Variants in RABGAP1L observed in about 807,000 individuals in gnomAD.
The protein encoded by RABGAP1L is RAB GTPase activating protein 1 like, also known as rab GTPase-activating protein 1-like.
Under a neutral mutation model 137.7 loss-of-function variants are expected in RABGAP1L, and 63 were observed. That is an observed-to-expected ratio of 0.46 (90% CI 0.37 to 0.56). The LOEUF is 0.56. Among genes scored for constraint, RABGAP1L ranks in the 20% least tolerant of loss-of-function variants. The pLI, the probability that RABGAP1L is intolerant of heterozygous loss-of-function variation, is 0.00. For synonymous variants in RABGAP1L, 431 were observed against 433.7 expected, an observed-to-expected ratio of 0.99 and a Z score of 0.08; for missense variants, 1,095 against 1,244.0, an observed-to-expected ratio of 0.88 and a Z score of 1.80.
chr1:174,286,368 A>T lies in RABGAP1L; in HGVS notation c.1323+7589A>T, dbSNP rs539331253. Among the ~76,000 whole-genome samples, 8 of 152,258 alleles carry T rather than the reference A, an allele frequency of 5.3e-5. No homozygotes were observed. The East Asian group carries it at 1.5e-3, about 29-fold the overall frequency. ...TTGTTGCCATATAGTTGTTCATAAT[A>T]GTCTCTTATGATCTGTTGTATTTCT... On this transcript the variant is annotated intron_variant, in intron 10 of 25. Transcript: ENST00000681986.
intron 14 of RABGAP1L, among the ~76,000 whole-genome samples, chr1:174,644,288 A>G (rs542958430): frequency 1.4e-3 from 217 of 152,176 alleles, no homozygotes; most frequent in Middle Eastern, 3.4e-3. Context: ...CTTAGTCCCT[A>G]AGAGCTTTCC....
intron 13 of RABGAP1L, among the ~76,000 whole-genome samples, chr1:174,599,527 C>T (rs1670258819): frequency 6.6e-6 from 1 of 152,122 alleles, no homozygotes; most frequent in African/African-American, 2.4e-5. Context: ...GATAGGTCAG[C>T]AATTAATGAA....
intron 19 of RABGAP1L, chr1:174,875,385 A>G (rs1413175108): frequency 4.4e-6 from 1 of 225,016 alleles, no homozygotes; most frequent in Non-Finnish European, 7.4e-6. Flanking sequence ...GTTACGCTGA[A>G]TGCACTCTCC....
rs1324705110 is a variant in RABGAP1L at position 174,448,554 on chromosome 1, C to T, written c.1710+54409C>T. On this transcript the variant is annotated intron_variant, in intron 13 of 25. Transcript: ENST00000681986. The surrounding 1 kb of genome is among the most constrained non-coding windows in gnomAD (Gnocchi z 4.2). ...TATCTTGCAATAACCAAGCCTCTTT[C>T]CTACAATCAACTGGTCACCCCTTGT... The T allele has an allele frequency of 6.2e-7, 1 of 1,613,360 alleles. No homozygotes were observed.
intron 19 of RABGAP1L, among the ~76,000 whole-genome samples, chr1:174,953,367 G>A (rs1668026124): frequency 6.6e-6 from 1 of 152,194 alleles, no homozygotes; most frequent in African/African-American, 2.4e-5. Flanking sequence ...CTAATATTGA[G>A]AAAGAGTAAG....
chr1:174,609,340 TC>T (rs1392524159), intron 13 of RABGAP1L, among the ~76,000 whole-genome samples: 1 of 152,194 alleles, frequency 6.6e-6, no homozygotes, highest in Non-Finnish European at 1.5e-5. Flanking sequence ...AGTTGCATTT[TC>T]TTTCTTTTTA....
chr1:174,422,180 A>G (rs546399619), intron 13 of RABGAP1L, among the ~76,000 whole-genome samples: 2 of 152,216 alleles, frequency 1.3e-5, no homozygotes, highest in South Asian at 2.1e-4. Flanking sequence ...ATGTTCTACT[A>G]TTGCTATCTT....
rs988774864 is a variant in RABGAP1L at position 174,830,292 on chromosome 1, C to G, written c.2340+18332C>G. On this transcript the variant is annotated intron_variant, in intron 19 of 25. Transcript: ENST00000681986. ...TTGTGTTTCAGTACAAAAAAAAAAA[C>G]TAGCTTAGTTTCTGAGGAGAGAGCT... is the stretch of plus-strand genomic sequence containing the variant. Among the ~76,000 whole-genome samples, 4 of 146,576 alleles carry G rather than the reference C, an allele frequency of 2.7e-5. 2 individuals carry two copies. Among genetic ancestry groups the G allele is most frequent in the African/African-American group, 9.9e-5 (4 of 40,230 alleles).
intron 24 of RABGAP1L, among the ~76,000 whole-genome samples, chr1:174,985,969 C>T (rs542467224): frequency 3.3e-5 from 5 of 151,630 alleles, no homozygotes; most frequent in African/African-American, 7.2e-5. Flanking sequence ...GACGGGGTCT[C>T]GCCCTGTCGC....
chr1:174,371,132 G>T (rs1048850860), intron 12 of RABGAP1L, 60 bp downstream of exon 12: 46 of 961,770 alleles, frequency 4.8e-5, no homozygotes, highest in Admixed American at 1.3e-4. Context: ...TTAATTTGTT[G>T]TATTAAAATC....
intron 5 of RABGAP1L, chr1:174,245,703 T>G (rs1337365451): frequency 6.6e-6 from 1 of 152,050 alleles, no homozygotes; most frequent in Non-Finnish European, 1.5e-5. Context: ...TGGCGTGATC[T>G]CGGCTCACTA....
intron 22 of RABGAP1L, among the ~76,000 whole-genome samples, chr1:174,978,350 G>A (rs1670824946): frequency 6.6e-6 from 1 of 152,080 alleles, no homozygotes. Flanking sequence ...AGTCCCCAAA[G>A]CCTCTTGTTT....
intron 19 of RABGAP1L, among the ~76,000 whole-genome samples, chr1:174,826,288 A>G (rs1245427803): frequency 6.6e-6 from 1 of 151,878 alleles, no homozygotes; most frequent in Non-Finnish European, 1.5e-5. Context: ...CTGGAGTGCA[A>G]TGGTGCGATC....
chr1:174,717,979 G>A (rs1019772559), intron 17 of RABGAP1L, among the ~76,000 whole-genome samples: 1 of 152,154 alleles, frequency 6.6e-6, no homozygotes, highest in Non-Finnish European at 1.5e-5. Context: ...CAGATGGGGT[G>A]GGCTTCCTCT....
intron 18 of RABGAP1L, among the ~76,000 whole-genome samples, chr1:174,753,846 T>C (rs907397630): frequency 6.6e-6 from 1 of 152,230 alleles, no homozygotes; most frequent in African/African-American, 2.4e-5. Flanking sequence ...ATCTAATGTT[T>C]TAAACTCTCA....
chr1:174,636,438 G>C (rs141746361), intron 13 of RABGAP1L, among the ~76,000 whole-genome samples: 7,201 of 151,582 alleles, frequency 0.048, 271 homozygotes, highest in Non-Finnish European at 0.075. Context: ...TGAGGCAGGA[G>C]AATCGCTTGA....
intron 13 of RABGAP1L, among the ~76,000 whole-genome samples, chr1:174,551,113 G>A (rs1323083271): frequency 6.8e-6 from 1 of 148,144 alleles, no homozygotes; most frequent in African/African-American, 2.5e-5. Context: ...GGAGGCTGAG[G>A]GAGGAGAATT....
At chr1:174,988,900 A>G in intron 25 of RABGAP1L, 62 bp downstream of exon 25, 1 of 1,426,274 alleles carries the variant, frequency 7.0e-7, no homozygotes, top group South Asian at 1.5e-5. Context: ...AGGATACTCT[A>G]GTACTTCAGA....
intron 13 of RABGAP1L, among the ~76,000 whole-genome samples, chr1:174,435,807 C>A (rs1238884657): frequency 1.5e-5 from 2 of 132,634 alleles, no homozygotes; most frequent in Non-Finnish European, 1.5e-5. Flanking sequence ...CCTCCCCTCT[C>A]CCCCGACACC....
Sources: allele counts gnomAD v4.1 joint callset (sites outside exome capture counted in the v4.1 genomes callset), GRCh38; gene constraint gnomAD v4.1.1; non-coding constraint Gnocchi (gnomAD v3.1); transcripts MANE v1.5; gene names NCBI Gene and HGNC (gene_info 2026-07-23, HGNC 2026-07-21).